Variants in DPP10 observed in about 807,000 individuals in gnomAD.
DPP10 encodes the protein inactive dipeptidyl peptidase 10.
Under a neutral mutation model 120.9 loss-of-function variants are expected in DPP10, and 33 were observed. The ratio of observed to expected loss-of-function variants is 0.27; its 90% CI spans 0.21 to 0.37. The LOEUF (loss-of-function observed/expected upper bound fraction) is 0.37, where lower values mean the gene tolerates loss of function less well. DPP10 is among the 10% of genes least tolerant of loss of function. DPP10 has a pLI of 1.00. For synonymous variants in DPP10, 337 were observed against 326.1 expected (o/e 1.03, Z -0.36); for missense variants, 816 against 942.8 (o/e 0.87, Z 1.76).
intron 1 of DPP10, among the ~76,000 whole-genome samples, chr2:115,198,259 G>A (rs2055431362): frequency 6.6e-6 from 1 of 152,138 alleles, no homozygotes; most frequent in Non-Finnish European, 1.5e-5. Context: ...TAGAAGCCAA[G>A]CCTCTTATAA....
chr2:115,377,199 C>T (rs1365144044), intron 3 of DPP10, among the ~76,000 whole-genome samples: 1 of 151,876 alleles, frequency 6.6e-6, no homozygotes, highest in African/African-American at 2.4e-5. Flanking sequence ...TTCTCCACAT[C>T]CTCTCCAGCA....
At chr2:115,055,804 A>G (rs1705855826) in intron 1 of DPP10, among the ~76,000 whole-genome samples, 1 of 152,172 alleles carries the variant, frequency 6.6e-6, no homozygotes. Flanking sequence ...TTGTAATTGA[A>G]TTCATTAAAA....
chr2:115,144,489 T>G (rs1416694020), intron 1 of DPP10: 1 of 152,030 alleles, frequency 6.6e-6, no homozygotes, highest in Non-Finnish European at 1.5e-5. Context: ...CTGCTTGGAA[T>G]CTGACCCACG....
At chr2:114,757,031 T>TAGGA (rs747082571) in intron 1 of DPP10, among the ~76,000 whole-genome samples, 13 of 144,430 alleles carry the variant, frequency 9.0e-5, no homozygotes, top group South Asian at 2.1e-4. Flanking sequence ...GTCTTGAATA[T>TAGGA]AGGAAGGAAG....
chr2:114,754,413 C>T (rs1172370323), intron 1 of DPP10, among the ~76,000 whole-genome samples: 1 of 152,122 alleles, frequency 6.6e-6, no homozygotes, highest in Non-Finnish European at 1.5e-5. Flanking sequence ...AATTTCTCTG[C>T]CTTTTATGTA....
intron 21 of DPP10, 58 bp from the exon 22 acceptor site, chr2:115,836,087 TTGTGTGTGTGTA>T (rs961001988): frequency 4.5e-5 from 36 of 796,826 alleles, no homozygotes; most frequent in South Asian, 1.4e-4. Context: ...ATATATAAAT[TTGTGTGTGTGTA>T]TGTGTGTGTG....
rs2055135822 is a variant in DPP10 at position 115,194,694 on chromosome 2, G to A, written c.61-114545G>A. ...TTTAGGGCATAAGAGTCTATCCATA[G>A]ACAACTGTACCTGACTAATTCTAAA... On this transcript the variant is annotated intron_variant, in intron 1 of 25. Transcript: ENST00000410059. Among the ~76,000 whole-genome samples the A allele has an allele frequency of 2.6e-5, 4 of 152,244 alleles. No individual in the cohort carries two copies. In the South Asian group the frequency reaches 8.3e-4, roughly 32 times the overall value.
chr2:115,256,331 C>T (rs921217398), intron 1 of DPP10, among the ~76,000 whole-genome samples: 1 of 152,214 alleles, frequency 6.6e-6, no homozygotes, highest in Non-Finnish European at 1.5e-5. Flanking sequence ...TTACCTCCCT[C>T]TGGGTCCTTT....
chr2:114,473,356 A>C (rs1680095318), intron 1 of DPP10, among the ~76,000 whole-genome samples: 1 of 152,234 alleles, frequency 6.6e-6, no homozygotes, highest in African/African-American at 2.4e-5. Flanking sequence ...TTAGGTTTGC[A>C]ATTAGGACAA....
intron 11 of DPP10, among the ~76,000 whole-genome samples, chr2:115,760,860 G>T (rs757801715): frequency 3.3e-5 from 5 of 152,176 alleles, no homozygotes; most frequent in Non-Finnish European, 7.4e-5. Flanking sequence ...ACTTTGGGAG[G>T]CCAGTGTGGG....
intron 2 of DPP10, among the ~76,000 whole-genome samples, chr2:115,336,595 C>A (rs925943321): frequency 3.3e-5 from 5 of 150,222 alleles, no homozygotes; most frequent in African/African-American, 7.3e-5. Flanking sequence ...CTCTCTCTCT[C>A]TCTCTATATA....
At chr2:115,147,762 A>G (rs2051312159) in intron 1 of DPP10, among the ~76,000 whole-genome samples, 1 of 152,136 alleles carries the variant, frequency 6.6e-6, no homozygotes, top group South Asian at 2.1e-4. Flanking sequence ...ATCACTTTTC[A>G]TGGGAGTGGG....
At chr2:115,768,773 G>A (rs1681102113) in intron 13 of DPP10, among the ~76,000 whole-genome samples, 2 of 151,996 alleles carry the variant, frequency 1.3e-5, no homozygotes, top group Admixed American at 1.3e-4. Flanking sequence ...TTCTCCAGGT[G>A]TTATAAAAGT....
chr2:114,814,643 C>A (rs1211017569), intron 1 of DPP10, among the ~76,000 whole-genome samples: 4 of 152,018 alleles, frequency 2.6e-5, no homozygotes, highest in Non-Finnish European at 5.9e-5. Context: ...GGTCCTCATG[C>A]AGTGGCTGCA....
intron 1 of DPP10, among the ~76,000 whole-genome samples, chr2:114,688,200 G>A (rs956324251): frequency 5.9e-5 from 9 of 151,896 alleles, no homozygotes; most frequent in African/African-American, 1.7e-4. Flanking sequence ...GATTAGTCAC[G>A]TGGAGAAGAG....
At chr2:114,943,613 T>C (rs938955812) in intron 1 of DPP10, among the ~76,000 whole-genome samples, 3 of 152,184 alleles carry the variant, frequency 2.0e-5, no homozygotes, top group Non-Finnish European at 2.9e-5. Flanking sequence ...TTGATGGTCA[T>C]TTGGGTTGGT....
intron 1 of DPP10, among the ~76,000 whole-genome samples, chr2:115,019,798 C>T (rs1163420335): frequency 1.3e-5 from 2 of 152,208 alleles, no homozygotes; most frequent in Non-Finnish European, 2.9e-5. Flanking sequence ...GAAAACCTAT[C>T]AGATTAACAG....
chr2:114,480,245 T>A (rs971627633), intron 1 of DPP10, among the ~76,000 whole-genome samples: 11 of 151,062 alleles, frequency 7.3e-5, no homozygotes, highest in African/African-American at 2.7e-4. Context: ...GGAACACTTT[T>A]ACACTGTTAG....
At chr2:115,507,038 A>G (rs2076985167) in intron 4 of DPP10, among the ~76,000 whole-genome samples, 1 of 151,166 alleles carries the variant, frequency 6.6e-6, no homozygotes, top group South Asian at 2.1e-4. Flanking sequence ...GCACGCGCAC[A>G]CACACACACA....
Sources: gnomAD v4.1 joint callset for allele counts (sites outside exome capture counted in the v4.1 genomes callset) on GRCh38, gnomAD v4.1.1 for gene constraint, MANE v1.5 for transcripts, NCBI Gene and HGNC (gene_info 2026-07-23, HGNC 2026-07-21) for gene names.